The following PSMD11 variants were observed in gnomAD, a reference collection of about 807,000 sequenced individuals.
PSMD11 encodes the protein proteasome 26S subunit, non-ATPase 11, also known as 26S proteasome non-ATPase regulatory subunit 11.
In PSMD11, 5 loss-of-function variants were observed where a neutral mutation model predicts 62.3. The observed-to-expected ratio is 0.08, with a 90% CI of 0.04 to 0.17. The LOEUF (loss-of-function observed/expected upper bound fraction) is 0.17, where lower values mean the gene tolerates loss of function less well. PSMD11 is among the 10% of genes least tolerant of loss of function. The pLI, the probability that PSMD11 is intolerant of heterozygous loss-of-function variation, is 1.00. For missense variants in PSMD11, 310 were observed against 512.9 expected (o/e 0.60, Z 3.82); for synonymous variants, 191 against 191.8 (o/e 1.00, Z 0.03).
intron 7 of PSMD11, 104 bp downstream of exon 7, chr17:32,474,049 C>A: frequency 7.1e-7 from 1 of 1,406,450 alleles, no homozygotes; most frequent in Non-Finnish European, 9.8e-7. Context: ...GTTACAGAAA[C>A]AGCAGCAGCT....
intron 1 of PSMD11, 82 bp from the exon 2 acceptor site, chr17:32,446,863 A>G: frequency 1.2e-6 from 1 of 823,868 alleles, no homozygotes; most frequent in Non-Finnish European, 1.9e-6. Flanking sequence ...TGAGTTTGTA[A>G]TGGATCTTAT....
In PSMD11 at chr17:32,468,960, G is replaced by A. The variant is rs997401908; in HGVS notation, c.449-39G>A. The A allele has an allele frequency of 3.8e-6, 6 of 1,584,156 alleles. No individual in the cohort carries two copies. In the African/African-American group the frequency reaches 5.4e-5, roughly 14 times the overall value. On this transcript the variant is annotated intron_variant, in intron 5 of 13. Transcript: ENST00000261712. Reference sequence around the variant, plus strand: ...AGAGTGAGCTATTATTAGGTATTAAGCTGATGGCTATAAAGGAGAATGTCT... The same window carrying A: ...AGAGTGAGCTATTATTAGGTATTAAACTGATGGCTATAAAGGAGAATGTCT...
At chr17:32,444,662 T>G (rs1453621320) in intron 1 of PSMD11, 48 bp downstream of exon 1, 2 of 1,602,996 alleles carry the variant, frequency 1.2e-6, no homozygotes, top group East Asian at 2.3e-5. Flanking sequence ...CCAGCTCGGC[T>G]TATGTCGGTC....
At chr17:32,451,484 A>G (rs950357040) in intron 2 of PSMD11, among the ~76,000 whole-genome samples, 3 of 152,222 alleles carry the variant, frequency 2.0e-5, no homozygotes, top group African/African-American at 7.2e-5. Context: ...ATTCTGAGAA[A>G]AATCATGGAG....
At chr17:32,452,387 G>A (rs969874927) in intron 2 of PSMD11, among the ~76,000 whole-genome samples, 1 of 152,146 alleles carries the variant, frequency 6.6e-6, no homozygotes, top group African/African-American at 2.4e-5. Flanking sequence ...TTAATAAATG[G>A]ATCATTTGTC....
At chr17:32,479,210 T>G in intron 9 of PSMD11, 41 bp from the exon 10 acceptor site, 4 of 1,607,502 alleles carry the variant, frequency 2.5e-6, no homozygotes, top group Non-Finnish European at 3.4e-6. Context: ...GACTTTAAAG[T>G]GATTCTCTGT....
intron 6 of PSMD11, 112 bp from the exon 7 acceptor site, chr17:32,473,689 C>T (rs949912041): frequency 9.5e-7 from 1 of 1,054,362 alleles, no homozygotes; most frequent in South Asian, 1.6e-5. Flanking sequence ...TGTGGATTTA[C>T]AGGTGTGAGC....
At chr17:32,472,358 G>A (rs746338626) in intron 6 of PSMD11, among the ~76,000 whole-genome samples, 1 of 151,752 alleles carries the variant, frequency 6.6e-6, no homozygotes, top group Non-Finnish European at 1.5e-5. Flanking sequence ...GAGTAGCTGG[G>A]ATTACAGGCA....
At chr17:32,453,138 T>G (rs1907555888) in intron 2 of PSMD11, among the ~76,000 whole-genome samples, 1 of 152,160 alleles carries the variant, frequency 6.6e-6, no homozygotes, top group East Asian at 1.9e-4. Flanking sequence ...AGGAGGAAAT[T>G]CTGTGGGAGA....
Position 32,479,263 on chromosome 17 carries a change from T to G in PSMD11, c.925T>G (p.Tyr309Asp). The G allele has an allele frequency of 6.2e-7, 1 of 1,614,116 alleles. No individual in the cohort carries two copies. The highest frequency in any genetic ancestry group is 8.5e-7 in the Non-Finnish European group (1 of 1,179,974). Residue 309 changes from tyrosine to aspartate, a missense_variant, in exon 10 of 14, where the codon TAC becomes GAC. By Grantham distance (160) the Tyr-to-Asp change is radical. Around this residue, in one of 6 missense-constraint regions of PSMD11, gnomAD observed 135 missense variants for 195.4 expected, o/e 0.69. Coordinates refer to ENST00000261712, the MANE Select transcript of PSMD11 (RefSeq NM_002815.4). ...LADFEKALTDYRAELRDDPII... is the reference protein window; with the variant it reads ...LADFEKALTDDRAELRDDPII... ...GTTCCTTTGGCAGGCTCTGACAGAT[T>G]ACCGGGCAGAGCTCCGGGATGACCC...
intron 3 of PSMD11, among the ~76,000 whole-genome samples, chr17:32,459,238 T>C (rs1015576744): frequency 2.0e-5 from 3 of 151,498 alleles, no homozygotes; most frequent in Non-Finnish European, 4.4e-5. Flanking sequence ...AAGGAATGTA[T>C]GGACTGTGCC....
At chr17:32,468,655 A>T (rs778005241) in intron 5 of PSMD11, among the ~76,000 whole-genome samples, 1 of 152,204 alleles carries the variant, frequency 6.6e-6, no homozygotes, top group Non-Finnish European at 1.5e-5. Flanking sequence ...TGTGATTGCT[A>T]GACAAGAAGA....
rs116029902 is a variant in PSMD11, at chr17:32,456,173, A to G, written c.318+1554A>G. Among the ~76,000 whole-genome samples the G allele has an allele frequency of 7.9e-3, 1,193 of 151,922 alleles. 17 individuals carry two copies. Among genetic ancestry groups the G allele is most frequent in the African/African-American group, 0.028 (1,141 of 41,464 alleles). ...AAAAAAAAAAAAAAAAAATCATGAA[A>G]GTGATACCATTCTTTGTTTGAAATA... On this transcript the variant is annotated intron_variant, in intron 3 of 13. Transcript: ENST00000261712.
At position 32,451,500 on chromosome 17, in the gene PSMD11, T is replaced by C. The variant is rs961114535; in HGVS notation, c.194-2995T>C. 1.3e-5 allele frequency among the ~76,000 whole-genome samples: 2 copies of C among 152,126 alleles called. 1 individual carries two copies. Among genetic ancestry groups the C allele is most frequent in the African/African-American group, 4.8e-5 (2 of 41,414 alleles). On this transcript the variant is annotated intron_variant, in intron 2 of 13. Coordinates refer to ENST00000261712, the MANE Select transcript of PSMD11 (RefSeq NM_002815.4). The stretch of plus-strand genomic sequence containing the variant: ...TTCTGAGAAAAATCATGGAGAGGTA[T>C]AAGGAAGATGAGGCAAATGTTATCC...
At chr17:32,479,923 G>A (rs1567859597) in intron 11 of PSMD11, 37 bp downstream of exon 11, 2 of 1,604,372 alleles carry the variant, frequency 1.2e-6, no homozygotes. Flanking sequence ...GGAGGAATGG[G>A]ACGGGGTGGC....
intron 1 of PSMD11, chr17:32,444,873 G>A (rs1021088275): frequency 2.6e-5 from 14 of 532,278 alleles, no homozygotes; most frequent in Admixed American, 7.5e-5. Context: ...TGGGAGAGTG[G>A]GCCGAGCCGG....
At chr17:32,460,862 G>C (rs925932424) in intron 3 of PSMD11, among the ~76,000 whole-genome samples, 6 of 152,012 alleles carry the variant, frequency 3.9e-5, no homozygotes, top group African/African-American at 1.4e-4. Flanking sequence ...GCAAGGTTTG[G>C]AGCCTAGAAA....
At position 32,468,980 on chromosome 17, in the gene PSMD11, A is replaced by T; in HGVS notation, c.449-19A>T. 1 of 1,610,132 alleles carries T rather than the reference A, an allele frequency of 6.2e-7. No homozygotes were observed. The highest frequency in any genetic ancestry group is 8.5e-7 in the Non-Finnish European group (1 of 1,178,046). ...ATTAAGCTGATGGCTATAAAGGAGA[A>T]TGTCTTTTCCTTTTTCAGGTTCTCA... is the stretch of plus-strand genomic sequence containing the variant. On this transcript the variant is annotated intron_variant, in intron 5 of 13. Transcript: ENST00000261712.
rs191038312 is a variant in PSMD11, at chr17:32,450,905, A to T, written c.194-3590A>T. On this transcript the variant is annotated intron_variant, in intron 2 of 13. Transcript: ENST00000261712. ...CAAAGACCCTATCTCTGTTAAAAAA[A>T]ATTTTTTTTTTTTAAAGCAGCATGG... is the stretch of plus-strand genomic sequence containing the variant. Among the ~76,000 whole-genome samples the T allele has an allele frequency of 1.4e-3, 205 of 150,566 alleles. 2 individuals carry two copies. Among genetic ancestry groups the T allele is most frequent in the Middle Eastern group, 6.8e-3 (2 of 292 alleles).
Sources: allele counts gnomAD v4.1 joint callset (sites outside exome capture counted in the v4.1 genomes callset), GRCh38; gene constraint gnomAD v4.1.1; regional missense constraint gnomAD v4.1.1; transcripts MANE v1.5; gene names NCBI Gene and HGNC (gene_info 2026-07-23, HGNC 2026-07-21).